LRRC63: variants seen among roughly 807,000 people sequenced by gnomAD.
LRRC63 encodes the protein leucine-rich repeat-containing protein 63.
In LRRC63, 40 loss-of-function variants were observed where a neutral mutation model predicts 49.5. The observed-to-expected ratio is 0.81, with a 90% confidence interval of 0.63 to 1.05. The LOEUF (loss-of-function observed/expected upper bound fraction) is 1.05, where lower values mean the gene tolerates loss of function less well. Ranked by LOEUF, LRRC63 falls within the 50% of genes least tolerant of loss-of-function variation. The pLI is 0.00. For synonymous variants in LRRC63, 191 were observed against 221.1 expected (o/e 0.86, Z 1.21); for missense variants, 636 against 663.1 (o/e 0.96, Z 0.45).
chr13:46,234,307 A>G (rs758560827), exon 5 of LRRC63: 3 of 1,550,296 alleles, frequency 1.9e-6, no homozygotes, highest in South Asian at 2.4e-5. Context: ...ACCTGGCCAT[A>G]GTAAACTGTC....
At chr13:46,245,543 T>C (rs914270702) in intron 5 of LRRC63, among the ~76,000 whole-genome samples, 4 of 152,100 alleles carry the variant, frequency 2.6e-5, no homozygotes, top group African/African-American at 9.7e-5. Flanking sequence ...CAATAAGATA[T>C]CTAGAAAAGT....
At chr13:46,252,764 C>T (rs564640102) in intron 7 of LRRC63, among the ~76,000 whole-genome samples, 3 of 151,972 alleles carry the variant, frequency 2.0e-5, no homozygotes, top group South Asian at 4.2e-4. Context: ...AAAGTTACAA[C>T]GTATATGAAA....
Position 46,271,631 on chromosome 13 carries a change from T to A in LRRC63, c.1550+4659T>A, listed in dbSNP as rs116855698. Among the ~76,000 whole-genome samples, 199 of 151,972 alleles carry A rather than the reference T, an allele frequency of 1.3e-3. 1 individual carries two copies. In the East Asian group the frequency reaches 0.029, roughly 22 times the overall value. On this transcript the variant is annotated intron_variant, in intron 9 of 9. Transcript: ENST00000595396. Reference sequence around the variant, plus strand: ...ATTGTAGTCACTCAGTCTCACATACTCTAGTTACCAGCAAATAAGTTACTG... The same window carrying A: ...ATTGTAGTCACTCAGTCTCACATACACTAGTTACCAGCAAATAAGTTACTG...
At chr13:46,238,032 C>T (rs2046952584) in intron 5 of LRRC63, among the ~76,000 whole-genome samples, 1 of 152,042 alleles carries the variant, frequency 6.6e-6, no homozygotes, top group Non-Finnish European at 1.5e-5. Flanking sequence ...AGGCTTTAAA[C>T]CAACAAAGAT....
intron 7 of LRRC63, among the ~76,000 whole-genome samples, chr13:46,257,491 C>T (rs1465284975): frequency 2.0e-5 from 3 of 152,024 alleles, no homozygotes; most frequent in Admixed American, 2.0e-4. Flanking sequence ...TGTGGGATCA[C>T]ATTCCCCCAG....
chr13:46,236,875 A>G (rs992510301), intron 5 of LRRC63, among the ~76,000 whole-genome samples: 5 of 152,194 alleles, frequency 3.3e-5, no homozygotes, highest in Non-Finnish European at 1.5e-5. Context: ...ATTAATGGAC[A>G]CACAATGTAT....
At chr13:46,216,789 T>C (rs2046264459) in intron 2 of LRRC63, among the ~76,000 whole-genome samples, 1 of 152,204 alleles carries the variant, frequency 6.6e-6, no homozygotes, top group Admixed American at 6.5e-5. Context: ...TCAATACCTG[T>C]TTATTGAGAG....
chr13:46,234,267 C>G (rs1420753069), exon 5 of LRRC63: 2 of 1,550,098 alleles, frequency 1.3e-6, no homozygotes, highest in East Asian at 4.9e-5. Context: ...GTTGCAGCAA[C>G]ACGATATGAA....
chr13:46,212,547 G>C (rs1440473307), intron 1 of LRRC63, among the ~76,000 whole-genome samples: 1 of 152,120 alleles, frequency 6.6e-6, no homozygotes, highest in Non-Finnish European at 1.5e-5. Context: ...GGTTAGATAT[G>C]GTGGGTCTTC....
chr13:46,247,740 C>T lies in LRRC63; in HGVS notation c.1089+1115C>T, dbSNP rs1009412433. ...TAAGTGGGGTGATTCAAATTATTACCGATTTCATGGAAAATTCAAAATGGT... is the reference window on the plus strand; with the variant it reads ...TAAGTGGGGTGATTCAAATTATTACTGATTTCATGGAAAATTCAAAATGGT... On this transcript the variant is annotated intron_variant, in intron 6 of 9. Coordinates refer to ENST00000595396, the Ensembl canonical transcript of LRRC63. Among the ~76,000 whole-genome samples the T allele has an allele frequency of 3.3e-5, 5 of 152,010 alleles. No individual in the cohort carries two copies. In the East Asian group the frequency reaches 5.8e-4, roughly 18 times the overall value.
chr13:46,265,159 C>CA (rs71701775), intron 8 of LRRC63, among the ~76,000 whole-genome samples: 69 of 143,540 alleles, frequency 4.8e-4, no homozygotes, highest in South Asian at 1.8e-3. Flanking sequence ...GACTCCATCT[C>CA]AAAAAAAAAA....
intron 5 of LRRC63, among the ~76,000 whole-genome samples, chr13:46,235,086 T>C (rs749459131): frequency 5.9e-5 from 9 of 152,102 alleles, no homozygotes; most frequent in South Asian, 2.1e-4. Flanking sequence ...AGAAAAGACC[T>C]GAGAAGACCC....
chr13:46,240,150 G>T (rs547263276), intron 5 of LRRC63, among the ~76,000 whole-genome samples: 9 of 143,052 alleles, frequency 6.3e-5, no homozygotes, highest in African/African-American at 2.3e-4. Context: ...TTTTTTTGAC[G>T]GAGTCTCGCT....
chr13:46,249,102 AAACAC>A (rs551579420), intron 6 of LRRC63, among the ~76,000 whole-genome samples: 15 of 151,990 alleles, frequency 9.9e-5, no homozygotes, highest in African/African-American at 3.4e-4. Flanking sequence ...ATGAAAATGA[AAACAC>A]AACATACCAA....
At chr13:46,212,133 G>A (rs2046109309) in exon 1 of LRRC63, 1 of 152,306 alleles carries the variant, frequency 6.6e-6, no homozygotes, top group Non-Finnish European at 1.5e-5. Flanking sequence ...TATCCTAAAG[G>A]GTAGTGTGGG....
exon 10 of LRRC63, chr13:46,276,879 T>C (rs1417340302): frequency 6.0e-6 from 1 of 166,360 alleles, no homozygotes; most frequent in African/African-American, 2.9e-5. Flanking sequence ...TATATATATA[T>C]ATTCATATAT....
At chr13:46,234,240 G>C (rs2046843059) in exon 5 of LRRC63, 1 of 1,550,096 alleles carries the variant, frequency 6.5e-7, no homozygotes, top group Admixed American at 2.0e-5. Context: ...GTTGTACGTG[G>C]TGAAGGTTTT....
At chr13:46,230,926 T>C (rs1367726036) in intron 4 of LRRC63, among the ~76,000 whole-genome samples, 2 of 152,242 alleles carry the variant, frequency 1.3e-5, no homozygotes. Context: ...CCCCAAGTCA[T>C]CACTCTGAAG....
intron 2 of LRRC63, among the ~76,000 whole-genome samples, chr13:46,220,994 T>C (rs2046392377): frequency 2.0e-5 from 3 of 152,212 alleles, no homozygotes; most frequent in Admixed American, 1.3e-4. Context: ...TTTTCTCCCA[T>C]AGTATTCCAT....
Sources: allele counts gnomAD v4.1 joint callset (sites outside exome capture counted in the v4.1 genomes callset), GRCh38; gene constraint gnomAD v4.1.1; transcripts MANE v1.5; gene names NCBI Gene and HGNC (gene_info 2026-07-23, HGNC 2026-07-21).